Variants in MYO3B observed in about 807,000 individuals in gnomAD.
The protein encoded by MYO3B is myosin IIIB, also known as myosin-IIIb.
In MYO3B, 156 loss-of-function variants were observed where a neutral mutation model predicts 174.6. The observed-to-expected ratio is 0.89, with a 90% CI of 0.78 to 1.02. MYO3B has a LOEUF of 1.02. Among genes scored for constraint, MYO3B ranks in the 50% least tolerant of loss-of-function variants. MYO3B has a pLI of 0.00. For missense variants in MYO3B, 1,632 were observed against 1,639.4 expected, an observed-to-expected ratio of 1.00 and a Z score of 0.08; for synonymous variants, 563 against 569.1, an observed-to-expected ratio of 0.99 and a Z score of 0.15.
At chr2:170,284,951 T>C (rs1237787556) in intron 7 of MYO3B, among the ~76,000 whole-genome samples, 1 of 152,200 alleles carries the variant, frequency 6.6e-6, no homozygotes, top group Non-Finnish European at 1.5e-5. Context: ...ATATAAACTG[T>C]CTCATACTGT....
intron 7 of MYO3B, among the ~76,000 whole-genome samples, chr2:170,236,752 C>G (rs534758243): frequency 6.6e-6 from 1 of 152,284 alleles, no homozygotes; most frequent in African/African-American, 2.4e-5. Context: ...GGCCAGCTCA[C>G]GGCTCTAGTT....
At position 170,473,034 on chromosome 2, in the gene MYO3B, A is replaced by G. The variant is rs142279046; in HGVS notation, c.3014+6323A>G. 1.7e-3 allele frequency among the ~76,000 whole-genome samples: 257 copies of G among 152,052 alleles called. 1 individual carries two copies. The highest frequency in any genetic ancestry group is 6.0e-3 in the African/African-American group (247 of 41,506). On this transcript the variant is annotated intron_variant, in intron 25 of 34. Coordinates refer to ENST00000408978, the MANE Select transcript of MYO3B (RefSeq NM_138995.5). ...ACTTTATGTCTGTATTGTCCGATGC[A>G]GTGCCTGGCACGAATTCAGTGTTTA...
intron 32 of MYO3B, among the ~76,000 whole-genome samples, chr2:170,557,052 A>T (rs1385251431): frequency 1.3e-5 from 2 of 150,198 alleles, no homozygotes; most frequent in Admixed American, 6.6e-5. Flanking sequence ...TTTTGGATAC[A>T]GTCCTACGTT....
chr2:170,647,126 A>G (rs1197260489), intron 32 of MYO3B, among the ~76,000 whole-genome samples: 1 of 152,204 alleles, frequency 6.6e-6, no homozygotes, highest in Non-Finnish European at 1.5e-5. Context: ...AAAATTCTCA[A>G]TATATAACTC....
chr2:170,401,799 T>TTTA, intron 18 of MYO3B, 108 bp downstream of exon 18: 15 of 1,023,464 alleles, frequency 1.5e-5, no homozygotes, highest in Non-Finnish European at 1.9e-5. Context: ...TTTCTTTCTT[T>TTTA]TTCTTTTTTT....
intron 6 of MYO3B, among the ~76,000 whole-genome samples, chr2:170,225,220 G>T (rs59518298): frequency 0.045 from 6,783 of 152,262 alleles, 204 homozygotes; most frequent in African/African-American, 0.079. Flanking sequence ...CCAAAAAGGG[G>T]GTGCTATTGC....
intron 6 of MYO3B, among the ~76,000 whole-genome samples, chr2:170,232,668 T>G (rs2093027648): frequency 6.6e-6 from 1 of 152,254 alleles, no homozygotes; most frequent in Non-Finnish European, 1.5e-5. Flanking sequence ...TTAACCATGC[T>G]ATCCTCAGTT....
At chr2:170,339,546 C>G (rs567882085) in intron 8 of MYO3B, among the ~76,000 whole-genome samples, 1 of 152,130 alleles carries the variant, frequency 6.6e-6, no homozygotes. Flanking sequence ...CACGTGCATA[C>G]GCGTGTAGGA....
chr2:170,610,320 G>A (rs1695058066), intron 32 of MYO3B, among the ~76,000 whole-genome samples: 1 of 150,618 alleles, frequency 6.6e-6, no homozygotes, highest in Admixed American at 6.6e-5. Context: ...CAGCCTGGGT[G>A]ACAGAGCAAG....
chr2:170,408,136 A>T (rs1338185184), intron 22 of MYO3B, among the ~76,000 whole-genome samples: 3 of 152,290 alleles, frequency 2.0e-5, no homozygotes, highest in East Asian at 3.9e-4. Context: ...CCCTTTATAA[A>T]GCCATACGAT....
chr2:170,426,474 T>C (rs751854706), intron 22 of MYO3B, among the ~76,000 whole-genome samples: 2 of 151,422 alleles, frequency 1.3e-5, no homozygotes, highest in Non-Finnish European at 2.9e-5. Context: ...TAGCTGGGAC[T>C]ACAGGCACCC....
At chr2:170,189,610 G>A (rs545444929) in intron 1 of MYO3B, among the ~76,000 whole-genome samples, 1 of 151,964 alleles carries the variant, frequency 6.6e-6, no homozygotes, top group South Asian at 2.1e-4. Flanking sequence ...CAATTCTGCT[G>A]TTGAGACTCT....
chr2:170,234,618 C>T (rs547274103), intron 6 of MYO3B, among the ~76,000 whole-genome samples: 33 of 152,330 alleles, frequency 2.2e-4, no homozygotes, highest in Admixed American at 3.3e-4. Context: ...AAATACTCTT[C>T]TCCATTTCGA....
At chr2:170,567,304 A>T (rs1692130742) in intron 32 of MYO3B, among the ~76,000 whole-genome samples, 1 of 152,200 alleles carries the variant, frequency 6.6e-6, no homozygotes, top group Non-Finnish European at 1.5e-5. Flanking sequence ...AATGAAATGA[A>T]TAAGGATTTC....
intron 32 of MYO3B, among the ~76,000 whole-genome samples, chr2:170,615,986 A>G (rs894969580): frequency 1.3e-5 from 2 of 152,184 alleles, no homozygotes; most frequent in African/African-American, 4.8e-5. Context: ...TACAGTATAG[A>G]GAGATAAGAA....
rs1003021516 is a variant in MYO3B at position 170,654,818 on chromosome 2, G to A, written c.*1697G>A. On this transcript the variant is annotated 3_prime_UTR_variant, in exon 35 of 35. Coordinates refer to ENST00000408978, the MANE Select transcript of MYO3B (RefSeq NM_138995.5). ...GAGGTATTTAAAGATCTCAGAAATT[G>A]TAATTTTACAAGTAAAATAAATATA... 1 of 152,026 alleles carries A rather than the reference G, an allele frequency of 6.6e-6. No individual in the cohort carries two copies. The highest frequency in any genetic ancestry group is 1.5e-5 in the Non-Finnish European group (1 of 68,028). 9.4% of individuals were successfully genotyped at this position (152,026 alleles called of 1,614,324 possible).
Position 170,543,873 on chromosome 2 carries a change from T to G in MYO3B, c.3637-19T>G, listed in dbSNP as rs1183351506. 6.2e-7 allele frequency: 1 copy of G among 1,601,362 alleles called. No individual in the cohort carries two copies. The highest frequency in any genetic ancestry group is 1.7e-5 in the Admixed American group (1 of 59,898). On this transcript the variant is annotated intron_variant, in intron 31 of 34. Coordinates refer to ENST00000408978, the MANE Select transcript of MYO3B (RefSeq NM_138995.5). ...TCAGAGGATAAGAATAATATTTCTC[T>G]TACTGGGTTTTTCTGAAGCACTCGG... is the stretch of plus-strand genomic sequence containing the variant.
At position 170,405,580 on chromosome 2, in the gene MYO3B, T is replaced by C. The variant is rs766134541; in HGVS notation, c.2467T>C (p.Trp823Arg). 5.0e-6 allele frequency: 8 copies of C among 1,614,084 alleles called. No homozygotes were observed. Among genetic ancestry groups the C allele is most frequent in the African/African-American group, 1.3e-5 (1 of 74,938 alleles). ...AGATAATCTACGATGCAAATACTTC[T>C]GGAGGCCCAAAGGAGTGGAACTGTG... is the stretch of plus-strand genomic sequence containing the variant. ...FEDNLRCKYFWRPKGVELCFG... is the reference protein window; with the variant it reads ...FEDNLRCKYFRRPKGVELCFG... Residue 823 changes from tryptophan (W) to arginine (R), a missense_variant, in exon 21 of 35, where the codon TGG (tryptophan) becomes CGG (arginine). By Grantham distance (101) the Trp-to-Arg change is moderately radical (BLOSUM62 -3). Transcript: ENST00000408978.
In MYO3B at chr2:170,382,041, C is replaced by A. The variant is rs200310756; in HGVS notation, c.997C>A (p.Pro333Thr). The A allele has an allele frequency of 1.7e-5, 28 of 1,613,354 alleles. No individual in the cohort carries two copies. Among genetic ancestry groups the A allele is most frequent in the African/African-American group, 5.3e-5 (4 of 74,918 alleles). The part of the protein sequence containing the change: ...TRHERMHTRR[P>T]YHVEDAEKYC... ...GCATGAGAGGATGCATACCAGAAGA[C>A]CTTATCATGTGGAAGATGCTGAAAA... The change falls in exon 10 of 35, where the codon CCT (proline) becomes ACT (threonine). Residue 333 changes from proline (P) to threonine (T), a missense_variant. Physicochemically the swap from Pro to Thr is conservative, Grantham distance 38. Transcript: ENST00000408978.
Sources: gnomAD v4.1 joint callset for allele counts (sites outside exome capture counted in the v4.1 genomes callset) on GRCh38, gnomAD v4.1.1 for gene constraint, MANE v1.5 for transcripts, NCBI Gene and HGNC (gene_info 2026-07-23, HGNC 2026-07-21) for gene names.